Variants in ARHGAP26 observed in about 807,000 individuals in gnomAD.
ARHGAP26 encodes the protein Rho GTPase activating protein 26, also known as rho GTPase-activating protein 26.
Under a neutral mutation model 104.8 loss-of-function variants are expected in ARHGAP26, and 38 were observed. The ratio of observed to expected loss-of-function variants is 0.36; its 90% confidence interval spans 0.28 to 0.48. The LOEUF is 0.48. Among genes scored for constraint, ARHGAP26 ranks in the 20% least tolerant of loss-of-function variants. ARHGAP26 has a pLI of 0.99. For synonymous variants in ARHGAP26, 341 were observed against 340.0 expected (o/e 1.00, Z -0.03); for missense variants, 704 against 947.9 (o/e 0.74, Z 3.38).
intron 2 of ARHGAP26, chr5:142,874,890 A>C (rs948762813): frequency 1.9e-6 from 1 of 532,230 alleles, no homozygotes; most frequent in Non-Finnish European, 3.4e-6. Flanking sequence ...CCTTGAAGAA[A>C]TCATTCCCTA....
rs74356283 is a variant in ARHGAP26 at position 143,100,502 on chromosome 5, G to A, written c.1539-20486G>A. On this transcript the variant is annotated intron_variant, in intron 17 of 22. Transcript: ENST00000645722. ...GAAAGTAGTTTTACACCAACATCCCGTAGATGTGGGATTTACAACTGGACA... is the reference window on the plus strand; with the variant it reads ...GAAAGTAGTTTTACACCAACATCCCATAGATGTGGGATTTACAACTGGACA... Among the ~76,000 whole-genome samples, 177 of 152,312 alleles carry A rather than the reference G, an allele frequency of 1.2e-3. 1 individual carries two copies. The highest frequency in any genetic ancestry group is 4.1e-3 in the African/African-American group (172 of 41,578).
intron 9 of ARHGAP26, among the ~76,000 whole-genome samples, chr5:142,911,943 G>T (rs1761885819): frequency 6.6e-6 from 1 of 152,154 alleles, no homozygotes; most frequent in African/African-American, 2.4e-5. Context: ...CTCCTCCTAG[G>T]CCTTCTGTGT....
intron 10 of ARHGAP26, among the ~76,000 whole-genome samples, chr5:142,927,199 C>T (rs1764034897): frequency 6.6e-6 from 1 of 151,934 alleles, no homozygotes; most frequent in Non-Finnish European, 1.5e-5. Flanking sequence ...ATGCATGACT[C>T]CAAAGTCTGT....
chr5:143,012,554 T>TAC lies in ARHGAP26; in HGVS notation c.1108-1525_1108-1524insCA, dbSNP rs1369935500. Among the ~76,000 whole-genome samples, 167 of 66,172 alleles carry TAC rather than the reference T, an allele frequency of 2.5e-3. 30 individuals carry two copies. Among genetic ancestry groups the TAC allele is most frequent in the Middle Eastern group, 0.014 (2 of 144 alleles). The allele number at this position is 66,172 out of a possible 152,430, so 43.4% of individuals were successfully genotyped here. ...GGATATATTTATATACATACATACA[T>TAC]ATATATATATATATATATATATTAT... is the stretch of plus-strand genomic sequence containing the variant. On this transcript the variant is annotated intron_variant, in intron 11 of 22. Transcript: ENST00000645722.
At chr5:143,048,551 A>G (rs1784541323) in intron 14 of ARHGAP26, among the ~76,000 whole-genome samples, 2 of 151,636 alleles carry the variant, frequency 1.3e-5, no homozygotes, top group East Asian at 2.0e-4. Flanking sequence ...GTGAGCCACC[A>G]TGACTGGCCT....
intron 17 of ARHGAP26, among the ~76,000 whole-genome samples, chr5:143,104,599 C>T (rs984696720): frequency 3.3e-5 from 5 of 152,098 alleles, no homozygotes; most frequent in African/African-American, 4.8e-5. Context: ...AAGATATATG[C>T]ACATATTTGT....
In ARHGAP26 at chr5:142,895,073, CT is replaced by C. The variant is rs1483659488; in HGVS notation, c.597+727del. Among the ~76,000 whole-genome samples the C allele has an allele frequency of 3.3e-5, 5 of 152,180 alleles. No individual in the cohort carries two copies. The East Asian group carries it at 7.7e-4, about 23-fold the overall frequency. ...GTGTGGAGAATCCACAGCAGGAAGA[CT>C]TCATGGAAACACCAAAATAGTATAT... On this transcript the variant is annotated intron_variant, in intron 6 of 22. Coordinates refer to ENST00000645722, the MANE Select transcript of ARHGAP26 (RefSeq NM_001135608.3).
Position 143,225,595 on chromosome 5 carries a change from T to A in ARHGAP26, c.*3149T>A, listed in dbSNP as rs1327424479. 4.6e-6 allele frequency: 1 copy of A among 216,800 alleles called. No homozygotes were observed. The highest frequency in any genetic ancestry group is 9.3e-6 in the Non-Finnish European group (1 of 107,392). The allele number at this position is 216,800 out of a possible 1,614,324, so 13.4% of individuals were successfully genotyped here. On this transcript the variant is annotated 3_prime_UTR_variant, in exon 23 of 23. Coordinates refer to ENST00000645722, the MANE Select transcript of ARHGAP26 (RefSeq NM_001135608.3). ...TGCTTTGGGGGTGCCTCACGAAGCATCCCTGTAGACATTTGGCCCCAGCTT... is the reference window on the plus strand; with the variant it reads ...TGCTTTGGGGGTGCCTCACGAAGCAACCCTGTAGACATTTGGCCCCAGCTT...
intron 1 of ARHGAP26, among the ~76,000 whole-genome samples, chr5:142,791,941 C>CAAAAAA (rs11397426): frequency 3.1e-5 from 2 of 65,158 alleles, no homozygotes; most frequent in Non-Finnish European, 7.1e-5. Context: ...AAACCCGTCT[C>CAAAAAA]AAAAAAAAAA....
intron 14 of ARHGAP26, among the ~76,000 whole-genome samples, chr5:143,051,714 T>C (rs948836719): frequency 6.6e-6 from 1 of 152,234 alleles, no homozygotes; most frequent in African/African-American, 2.4e-5. Context: ...AGCCGGGCTG[T>C]AATTTGACTC....
intron 1 of ARHGAP26, among the ~76,000 whole-genome samples, chr5:142,801,906 G>C (rs910073928): frequency 3.9e-5 from 6 of 152,154 alleles, no homozygotes; most frequent in Non-Finnish European, 7.4e-5. Context: ...TCTGGGATCT[G>C]TGTGCAGAGT....
intron 1 of ARHGAP26, among the ~76,000 whole-genome samples, chr5:142,782,530 G>C (rs942723050): frequency 5.3e-5 from 8 of 152,146 alleles, no homozygotes; most frequent in African/African-American, 1.7e-4. Flanking sequence ...GTGCAGCAAG[G>C]GTGAAGAACG....
At chr5:143,044,035 C>G (rs779007000) in intron 14 of ARHGAP26, among the ~76,000 whole-genome samples, 2 of 152,040 alleles carry the variant, frequency 1.3e-5, no homozygotes, top group Non-Finnish European at 2.9e-5. Flanking sequence ...CTAAGGTGGT[C>G]TTTTTTGTTG....
chr5:142,860,911 TGCCTGGGAAGCCCAGGCTCCTAG>T (rs1269101270), intron 1 of ARHGAP26, among the ~76,000 whole-genome samples: 1 of 152,214 alleles, frequency 6.6e-6, no homozygotes, highest in Non-Finnish European at 1.5e-5. Context: ...GGATAAGAAC[TGCCTGGGAAGCCCAGGCTCCTAG>T]GCCTCAGCCC....
At chr5:143,169,993 T>TA (rs1388824369) in intron 20 of ARHGAP26, 1 of 152,228 alleles carries the variant, frequency 6.6e-6, no homozygotes, top group Non-Finnish European at 1.5e-5. Context: ...TATAGTTTTT[T>TA]AAAAATGAAG....
At chr5:142,963,188 A>ATATATATATATATATATATG (rs1562164689) in intron 11 of ARHGAP26, among the ~76,000 whole-genome samples, 2 of 109,782 alleles carry the variant, frequency 1.8e-5, no homozygotes, top group South Asian at 2.6e-4. Context: ...ATATATATAT[A>ATATATATATATATATATATG]TATATATATA....
At chr5:142,982,168 A>T (rs1211132934) in intron 11 of ARHGAP26, among the ~76,000 whole-genome samples, 1 of 152,062 alleles carries the variant, frequency 6.6e-6, no homozygotes, top group Non-Finnish European at 1.5e-5. Context: ...TGCCTTACAC[A>T]CACCTCCCCA....
chr5:143,037,093 T>C, intron 12 of ARHGAP26, 103 bp from the exon 13 acceptor site: 1 of 706,642 alleles, frequency 1.4e-6, no homozygotes, highest in Non-Finnish European at 2.3e-6. Flanking sequence ...TAAAAGGATA[T>C]GTGACCACAG....
At chr5:143,102,850 C>G (rs1276745102) in intron 17 of ARHGAP26, among the ~76,000 whole-genome samples, 2 of 152,016 alleles carry the variant, frequency 1.3e-5, no homozygotes, top group Admixed American at 1.3e-4. Context: ...CCCTTGCTTG[C>G]TTTGTCCTTA....
Sources: gnomAD v4.1 joint callset for allele counts (sites outside exome capture counted in the v4.1 genomes callset) on GRCh38, gnomAD v4.1.1 for gene constraint, MANE v1.5 for transcripts, NCBI Gene and HGNC (gene_info 2026-07-23, HGNC 2026-07-21) for gene names.